Variants in ZNRF3 observed in about 807,000 individuals in gnomAD.
ZNRF3 encodes the protein zinc and ring finger 3.
A neutral mutation model predicts 72.5 loss-of-function variants in ZNRF3; 23 were observed. The ratio of observed to expected loss-of-function variants is 0.32; its 90% CI spans 0.23 to 0.45. The LOEUF is 0.45. Ranked by LOEUF, ZNRF3 falls within the 20% of genes least tolerant of loss-of-function variation. The pLI is 1.00. For missense variants in ZNRF3, 1,169 were observed against 1,272.1 expected (o/e 0.92, Z 1.23); for synonymous variants, 610 against 545.3 (o/e 1.12, Z -1.65).
At chr22:28,997,345 A>T (rs747964222) in intron 2 of ZNRF3, among the ~76,000 whole-genome samples, 6 of 138,806 alleles carry the variant, frequency 4.3e-5, no homozygotes, top group Non-Finnish European at 7.7e-5. Context: ...GGCAATTTTC[A>T]CCCCAGGGGA....
At chr22:29,013,243 C>A (rs758855771) in intron 2 of ZNRF3, among the ~76,000 whole-genome samples, 4 of 152,136 alleles carry the variant, frequency 2.6e-5, no homozygotes, top group Non-Finnish European at 4.4e-5. Flanking sequence ...TGCTTGTGGT[C>A]AGGCTGCTTC....
At position 28,953,092 on chromosome 22, in the gene ZNRF3, G is replaced by A. The variant is rs376125246; in HGVS notation, c.301-33984G>A. Among the ~76,000 whole-genome samples the A allele has an allele frequency of 1.6e-4, 24 of 152,312 alleles. No individual in the cohort carries two copies. The East Asian group carries it at 4.2e-3, about 27-fold the overall frequency. ...TACTTGCAGGAGGAGCCAGCATGTTGCATAACTGCAGGGGCCCCATTCATC... is the reference window on the plus strand; with the variant it reads ...TACTTGCAGGAGGAGCCAGCATGTTACATAACTGCAGGGGCCCCATTCATC... On this transcript the variant is annotated intron_variant, in intron 1 of 8. Coordinates refer to ENST00000544604, the MANE Select transcript of ZNRF3 (RefSeq NM_001206998.2).
intron 2 of ZNRF3, chr22:29,018,135 A>C: frequency 2.0e-6 from 1 of 489,816 alleles, no homozygotes; most frequent in African/African-American, 2.0e-5. Context: ...AGTCTTGAAC[A>C]TTATAAGGAA....
intron 1 of ZNRF3, among the ~76,000 whole-genome samples, chr22:28,916,919 C>CGTA (rs2034416905): frequency 6.6e-6 from 1 of 152,110 alleles, no homozygotes; most frequent in African/African-American, 2.4e-5. Context: ...TTGACTATAC[C>CGTA]GCCCAGGATT....
chr22:29,049,414 G>A lies in ZNRF3; in HGVS notation c.1233G>A (p.Gln411=). Residue 411 remains glutamine, a synonymous_variant, in exon 8 of 9, where the codon CAG becomes CAA. Coordinates refer to ENST00000544604, the MANE Select transcript of ZNRF3 (RefSeq NM_001206998.2). This position sits in a 1 kb window ranked among gnomAD's most constrained non-coding sequence, Gnocchi z 5.2. ...GGGAGCAGAGCCTCTATTCCCCGCAGACCCCCGCCTACATCCGCAGCTACC... is the reference window on the plus strand; with the variant it reads ...GGGAGCAGAGCCTCTATTCCCCGCAAACCCCCGCCTACATCCGCAGCTACC... ...RHGEQSLYSP[Q]TPAYIRSYPP... 6.2e-7 allele frequency: 1 copy of A among 1,608,682 alleles called. No homozygotes were observed. The highest frequency in any genetic ancestry group is 1.3e-5 in the African/African-American group (1 of 74,958).
intron 1 of ZNRF3, among the ~76,000 whole-genome samples, chr22:28,907,832 T>C (rs185008166): frequency 1.8e-4 from 28 of 152,352 alleles, no homozygotes; most frequent in African/African-American, 6.7e-4. Context: ...ATATTGAATC[T>C]AGAACAAAAG....
rs147737799 is a variant in ZNRF3, at chr22:28,972,571, C to T, written c.301-14505C>T. Among the ~76,000 whole-genome samples the T allele has an allele frequency of 6.0e-4, 91 of 152,296 alleles. 1 individual carries two copies. The highest frequency in any genetic ancestry group is 3.9e-3 in the East Asian group (20 of 5,180). On this transcript the variant is annotated intron_variant, in intron 1 of 8. Coordinates refer to ENST00000544604, the MANE Select transcript of ZNRF3 (RefSeq NM_001206998.2). The stretch of plus-strand genomic sequence containing the variant: ...TTATTAGGAATAGTGCTGCTATGAA[C>T]GTTCATGTACAAGTTTCTGGGCCAT...
At chr22:28,934,603 G>C (rs182540120) in intron 1 of ZNRF3, among the ~76,000 whole-genome samples, 3 of 152,074 alleles carry the variant, frequency 2.0e-5, no homozygotes, top group African/African-American at 7.2e-5. Context: ...AGATCACTTG[G>C]GGTCAGGAGT....
At chr22:28,884,957 A>C (rs1299169825) in intron 1 of ZNRF3, among the ~76,000 whole-genome samples, 3 of 152,098 alleles carry the variant, frequency 2.0e-5, no homozygotes, top group African/African-American at 4.8e-5. Flanking sequence ...GATTTTATCA[A>C]CTTGTTACTA....
chr22:28,933,752 A>ACTCTCTCTCT (rs372627987), intron 1 of ZNRF3, among the ~76,000 whole-genome samples: 3 of 40,842 alleles, frequency 7.3e-5, no homozygotes, highest in African/African-American at 3.8e-4. Flanking sequence ...ACACACACTC[A>ACTCTCTCTCT]CTCTCTCTCT....
At chr22:29,043,237 TTCTC>T in intron 3 of ZNRF3, 58 bp from the exon 4 acceptor site, 1 of 1,565,638 alleles carries the variant, frequency 6.4e-7, no homozygotes, top group Non-Finnish European at 8.6e-7. Flanking sequence ...CAGCCTTTCT[TTCTC>T]TCTACTGCTT....
intron 1 of ZNRF3, among the ~76,000 whole-genome samples, chr22:28,908,997 G>A (rs1389702227): frequency 1.3e-5 from 2 of 152,108 alleles, no homozygotes; most frequent in Non-Finnish European, 2.9e-5. Context: ...CCTGAGTTAA[G>A]CAATTCTTCT....
intron 1 of ZNRF3, among the ~76,000 whole-genome samples, chr22:28,936,513 C>T (rs2034822515): frequency 6.6e-6 from 1 of 152,170 alleles, no homozygotes; most frequent in Non-Finnish European, 1.5e-5. Flanking sequence ...CTGCTGGATG[C>T]CCTGGCAGAG....
chr22:28,928,686 C>T (rs1424247874), intron 1 of ZNRF3, among the ~76,000 whole-genome samples: 3 of 151,342 alleles, frequency 2.0e-5, no homozygotes, highest in Admixed American at 1.3e-4. Context: ...TTAGTAGAGA[C>T]GGGGTTTCAC....
chr22:28,961,461 G>C (rs1475708112), intron 1 of ZNRF3, among the ~76,000 whole-genome samples: 1 of 152,218 alleles, frequency 6.6e-6, no homozygotes, highest in Non-Finnish European at 1.5e-5. Context: ...TGAGCTGGAG[G>C]GTTCTAGAAA....
intron 1 of ZNRF3, among the ~76,000 whole-genome samples, chr22:28,980,838 C>T (rs984807515): frequency 6.6e-6 from 1 of 152,100 alleles, no homozygotes; most frequent in Non-Finnish European, 1.5e-5. Context: ...TCTAGGGTTT[C>T]CATGTCTATT....
chr22:28,889,970 A>G (rs1256323971), intron 1 of ZNRF3, among the ~76,000 whole-genome samples: 1 of 152,152 alleles, frequency 6.6e-6, no homozygotes, highest in African/African-American at 2.4e-5. Context: ...ACTGCCTGCT[A>G]TGCATGAGGC....
At chr22:29,031,462 C>A (rs2036754754) in intron 2 of ZNRF3, 1 of 368,226 alleles carries the variant, frequency 2.7e-6, no homozygotes, top group Non-Finnish European at 3.8e-6. Context: ...GAAAACAGGG[C>A]CCTTGGTGAG....
chr22:29,034,831 G>A (rs1359078920), intron 2 of ZNRF3, among the ~76,000 whole-genome samples: 1 of 152,150 alleles, frequency 6.6e-6, no homozygotes, highest in African/African-American at 2.4e-5. Flanking sequence ...TGCTTGGTGA[G>A]GACAGGGGTC....
Sources: allele counts gnomAD v4.1 joint callset (sites outside exome capture counted in the v4.1 genomes callset), GRCh38; gene constraint gnomAD v4.1.1; non-coding constraint Gnocchi (gnomAD v3.1); transcripts MANE v1.5; gene names NCBI Gene and HGNC (gene_info 2026-07-23, HGNC 2026-07-21).